TBCK: variants seen among roughly 807,000 people sequenced by gnomAD.
TBCK encodes TBC1 domain containing kinase.
A neutral mutation model predicts 113.4 loss-of-function variants in TBCK; 99 were observed. The observed-to-expected ratio is 0.87, with a 90% CI of 0.74 to 1.03. The LOEUF (loss-of-function observed/expected upper bound fraction) is 1.03, where lower values mean the gene tolerates loss of function less well. TBCK is among the 50% of genes least tolerant of loss of function. The probability of loss-of-function intolerance (pLI) is 0.00; values close to 1 mark genes in which losing one functional copy is unlikely to be tolerated. For synonymous variants in TBCK, 369 were observed against 370.8 expected (o/e 1.00, Z 0.05); for missense variants, 1,045 against 1,061.3 (o/e 0.98, Z 0.21).
chr4:106,262,803 T>C (rs1291103781), intron 3 of TBCK, among the ~76,000 whole-genome samples: 1 of 151,924 alleles, frequency 6.6e-6, no homozygotes, highest in Non-Finnish European at 1.5e-5. Context: ...TCCTTGTCTC[T>C]CTCACCAACC....
chr4:106,304,533 T>C (rs887744155), intron 2 of TBCK, among the ~76,000 whole-genome samples: 1 of 152,220 alleles, frequency 6.6e-6, no homozygotes, highest in East Asian at 1.9e-4. Flanking sequence ...AAAAATAATT[T>C]GAAGCAGTTA....
At chr4:106,169,139 C>G (rs1215738414) in intron 23 of TBCK, among the ~76,000 whole-genome samples, 1 of 152,020 alleles carries the variant, frequency 6.6e-6, no homozygotes, top group Admixed American at 6.6e-5. Context: ...CAGTTCTTCC[C>G]AAATTGATAT....
intron 3 of TBCK, among the ~76,000 whole-genome samples, chr4:106,276,285 G>A (rs556462498): frequency 3.9e-5 from 6 of 152,226 alleles, no homozygotes; most frequent in South Asian, 4.2e-4. Flanking sequence ...ACATAAAATC[G>A]AAAACTATAA....
intron 3 of TBCK, among the ~76,000 whole-genome samples, chr4:106,277,413 G>A (rs1764147464): frequency 6.6e-6 from 1 of 152,022 alleles, no homozygotes; most frequent in Non-Finnish European, 1.5e-5. Context: ...ATCAGCTTTA[G>A]TCATAATAGC....
At chr4:106,296,006 A>T (rs72878531) in intron 2 of TBCK, among the ~76,000 whole-genome samples, 3,989 of 152,260 alleles carry the variant, frequency 0.026, 161 homozygotes, top group African/African-American at 0.091. Flanking sequence ...TTCAAGGGTC[A>T]ACTGAACAAC....
chr4:106,311,297 C>A (rs1221273519), intron 1 of TBCK, among the ~76,000 whole-genome samples: 1 of 151,448 alleles, frequency 6.6e-6, no homozygotes, highest in Admixed American at 6.6e-5. Flanking sequence ...CTCCTAATAT[C>A]CCCAAGCTGG....
chr4:106,271,989 A>G (rs1302896273), intron 3 of TBCK, among the ~76,000 whole-genome samples: 1 of 152,164 alleles, frequency 6.6e-6, no homozygotes, highest in Non-Finnish European at 1.5e-5. Flanking sequence ...CCAAGAATTT[A>G]TATTTCTAAT....
chr4:106,172,324 A>C (rs1751123560), intron 22 of TBCK, among the ~76,000 whole-genome samples: 1 of 152,126 alleles, frequency 6.6e-6, no homozygotes, highest in Non-Finnish European at 1.5e-5. Flanking sequence ...AGGTTACTAC[A>C]ACTCTATATT....
intron 23 of TBCK, among the ~76,000 whole-genome samples, chr4:106,121,863 A>G (rs1037015928): frequency 1.3e-5 from 2 of 152,264 alleles, no homozygotes; most frequent in African/African-American, 2.4e-5. Flanking sequence ...TCTCTGGGAC[A>G]CATTCAAAGC....
intron 3 of TBCK, among the ~76,000 whole-genome samples, chr4:106,282,831 A>G (rs1764743541): frequency 6.6e-6 from 1 of 152,136 alleles, no homozygotes; most frequent in Non-Finnish European, 1.5e-5. Flanking sequence ...ACAGAAACAC[A>G]TGACAAGAAA....
At chr4:106,249,063 G>A (rs1761153459) in intron 7 of TBCK, 81 bp from the exon 8 acceptor site, 1 of 975,540 alleles carries the variant, frequency 1.0e-6, no homozygotes. Context: ...GATCAAAAAT[G>A]TTTTAATGGA....
At chr4:106,115,837 T>A (rs1678289957) in intron 24 of TBCK, among the ~76,000 whole-genome samples, 1 of 152,182 alleles carries the variant, frequency 6.6e-6, no homozygotes, top group Admixed American at 6.5e-5. Flanking sequence ...TGTAGCAAAC[T>A]TTTTCTCTAG....
chr4:106,160,161 A>G (rs985164566), intron 23 of TBCK, among the ~76,000 whole-genome samples: 12 of 152,022 alleles, frequency 7.9e-5, no homozygotes, highest in African/African-American at 2.7e-4. Context: ...ATGGCCAAAA[A>G]CTTTAAGACT....
chr4:106,187,911 C>T (rs1485971094), intron 22 of TBCK, among the ~76,000 whole-genome samples: 1 of 152,126 alleles, frequency 6.6e-6, no homozygotes, highest in Non-Finnish European at 1.5e-5. Context: ...TATCCTAAAA[C>T]TTGGCTAAAG....
At chr4:106,121,356 G>A (rs1473185593) in intron 23 of TBCK, among the ~76,000 whole-genome samples, 16 of 147,068 alleles carry the variant, frequency 1.1e-4, no homozygotes, top group Admixed American at 7.4e-4. Flanking sequence ...CAATACAGGA[G>A]CACCCAGATT....
chr4:106,124,982 C>T, intron 23 of TBCK, among the ~76,000 whole-genome samples: 1 of 147,176 alleles, frequency 6.8e-6, no homozygotes, highest in Non-Finnish European at 1.5e-5. Flanking sequence ...GCACATGTAC[C>T]CTAAAACTTA....
intron 25 of TBCK, among the ~76,000 whole-genome samples, chr4:106,085,019 T>C (rs1400389290): frequency 9.9e-5 from 15 of 152,184 alleles, no homozygotes; most frequent in African/African-American, 3.6e-4. Context: ...CCAATGACAT[T>C]ATGAAGAAAC....
chr4:106,227,886 GTACT>G (rs1015230798), intron 19 of TBCK, among the ~76,000 whole-genome samples: 7 of 98,230 alleles, frequency 7.1e-5, no homozygotes, highest in Non-Finnish European at 1.7e-4. Flanking sequence ...GCAAAAACTA[GTACT>G]TACAGTAACA....
At chr4:106,152,690 G>A (rs1267234283) in intron 23 of TBCK, among the ~76,000 whole-genome samples, 3 of 152,022 alleles carry the variant, frequency 2.0e-5, no homozygotes, top group Admixed American at 1.3e-4. Flanking sequence ...ATAGAATTAA[G>A]ACGTGAGGCC....
Sources: gnomAD v4.1 joint callset for allele counts (sites outside exome capture counted in the v4.1 genomes callset) on GRCh38, gnomAD v4.1.1 for gene constraint, MANE v1.5 for transcripts, NCBI Gene and HGNC (gene_info 2026-07-23, HGNC 2026-07-21) for gene names.